Variants in PIK3R6 observed in about 807,000 individuals in gnomAD.
The protein encoded by PIK3R6 is phosphoinositide 3-kinase regulatory subunit 6.
PIK3R6 carries 91 observed loss-of-function variants against 84.9 expected under a neutral mutation model. The observed-to-expected ratio is 1.07, with a 90% CI of 0.90 to 1.28. The LOEUF (loss-of-function observed/expected upper bound fraction) is 1.28, where lower values mean the gene tolerates loss of function less well. Among genes scored for constraint, PIK3R6 ranks in the 50% most tolerant of loss-of-function variants. The probability of loss-of-function intolerance (pLI) is 0.00; values close to 1 mark genes in which losing one functional copy is unlikely to be tolerated. For synonymous variants in PIK3R6, 416 were observed against 411.4 expected, an observed-to-expected ratio of 1.01 and a Z score of -0.13; for missense variants, 996 against 985.1, an observed-to-expected ratio of 1.01 and a Z score of -0.15.
Position 8,838,575 on chromosome 17 carries a change from C to T in PIK3R6, c.178G>A (p.Glu60Lys). ...SPVLVRILLR[E>K]LEKAESQDLR... ...GTCCAGGAACTCACCTTCTCCAGTTCTCTGAGAAGAATGCGGACCAGCACT... is the reference window on the plus strand; with the variant it reads ...GTCCAGGAACTCACCTTCTCCAGTTTTCTGAGAAGAATGCGGACCAGCACT... Residue 60 changes from glutamate to lysine, a missense_variant, in exon 4 of 20, where the codon GAA becomes AAA. Physicochemically the swap from Glu to Lys is moderately conservative, Grantham distance 56. Coordinates refer to ENST00000619866, the MANE Select transcript of PIK3R6 (RefSeq NM_001010855.4). The T allele has an allele frequency of 6.2e-7, 1 of 1,601,098 alleles. No individual in the cohort carries two copies. The highest frequency in any genetic ancestry group is 8.5e-7 in the Non-Finnish European group (1 of 1,173,754).
chr17:8,819,689 T>TATATACACACAC (rs374733654), intron 17 of PIK3R6, among the ~76,000 whole-genome samples: 2 of 135,886 alleles, frequency 1.5e-5, no homozygotes, highest in African/African-American at 2.9e-5. Flanking sequence ...TATATATATA[T>TATATACACACAC]ACACACACAC....
intron 10 of PIK3R6, among the ~76,000 whole-genome samples, chr17:8,829,243 A>C (rs2088085844): frequency 6.9e-6 from 1 of 145,232 alleles, no homozygotes; most frequent in African/African-American, 2.7e-5. Context: ...ACTGAAACAC[A>C]TGCATGCACG....
chr17:8,860,685 T>A (rs1272862576), intron 1 of PIK3R6, among the ~76,000 whole-genome samples: 8 of 152,078 alleles, frequency 5.3e-5, no homozygotes, highest in Non-Finnish European at 1.2e-4. Context: ...TTAAAATAAG[T>A]AACTGGAAGA....
Position 8,835,345 on chromosome 17 carries a change from G to A in PIK3R6, c.573C>T (p.His191=), listed in dbSNP as rs537306503. Residue 191 remains histidine, a synonymous_variant, in exon 8 of 20, where the codon CAC becomes CAT. Coordinates refer to ENST00000619866, the MANE Select transcript of PIK3R6 (RefSeq NM_001010855.4). Reference sequence around the variant, plus strand: ...CCGCCTGCAGGGCGTGGGAGACCACGTGGCGCATGCAGGTCTCTGGTGTCT... The same window carrying A: ...CCGCCTGCAGGGCGTGGGAGACCACATGGCGCATGCAGGTCTCTGGTGTCT... ...AQQTPETCMR[H]VVSHALQAAL... 1.1e-4 allele frequency: 178 copies of A among 1,610,870 alleles called. No homozygotes were observed. Among genetic ancestry groups the A allele is most frequent in the South Asian group, 5.7e-4 (52 of 90,742 alleles).
intron 8 of PIK3R6, among the ~76,000 whole-genome samples, chr17:8,834,414 A>T (rs2088379104): frequency 6.6e-6 from 1 of 152,022 alleles, no homozygotes; most frequent in Non-Finnish European, 1.5e-5. Flanking sequence ...TTATTTTTAG[A>T]GATGGGGTGT....
intron 15 of PIK3R6, 79 bp from the exon 16 acceptor site, chr17:8,822,736 G>C (rs2087782963): frequency 7.1e-7 from 1 of 1,417,642 alleles, no homozygotes; most frequent in East Asian, 2.3e-5. Context: ...CTGAGGGCAG[G>C]AGCTGAGCTG....
At chr17:8,827,797 A>G (rs968066789) in intron 12 of PIK3R6, among the ~76,000 whole-genome samples, 1 of 141,404 alleles carries the variant, frequency 7.1e-6, no homozygotes. Context: ...AGAGAGAGAG[A>G]GAGAGAGAGA....
At chr17:8,805,486 C>A (rs995128263) in intron 18 of PIK3R6, among the ~76,000 whole-genome samples, 40 of 152,168 alleles carry the variant, frequency 2.6e-4, no homozygotes, top group African/African-American at 9.4e-4. Context: ...CCCCGCTATG[C>A]ATAGACTCCT....
chr17:8,813,322 C>T (rs72848124), intron 18 of PIK3R6, among the ~76,000 whole-genome samples: 4,167 of 152,136 alleles, frequency 0.027, 80 homozygotes, highest in Non-Finnish European at 0.043. Flanking sequence ...ACAAGACATA[C>T]AAGGAAGAAC....
chr17:8,859,642 G>A (rs1432716528), intron 1 of PIK3R6, among the ~76,000 whole-genome samples: 2 of 152,220 alleles, frequency 1.3e-5, no homozygotes, highest in East Asian at 3.8e-4. Flanking sequence ...TAGGAGAAGA[G>A]GGAGGAGGAA....
intron 18 of PIK3R6, among the ~76,000 whole-genome samples, chr17:8,817,839 C>T (rs1200599250): frequency 6.6e-6 from 1 of 151,076 alleles, no homozygotes; most frequent in Non-Finnish European, 1.5e-5. Context: ...TTTCAAGGAG[C>T]TTGACTTGAG....
chr17:8,805,785 G>A (rs1295881350), intron 18 of PIK3R6, among the ~76,000 whole-genome samples: 2 of 152,154 alleles, frequency 1.3e-5, no homozygotes, highest in Non-Finnish European at 2.9e-5. Flanking sequence ...AGGCGTAGTG[G>A]CGGGCATCTG....
chr17:8,836,226 G>A (rs1389886016), intron 7 of PIK3R6, among the ~76,000 whole-genome samples: 1 of 152,190 alleles, frequency 6.6e-6, no homozygotes, highest in Non-Finnish European at 1.5e-5. Flanking sequence ...CTGCATTATG[G>A]CCAAGGGCAG....
At chr17:8,814,688 G>A (rs1241713969) in intron 18 of PIK3R6, among the ~76,000 whole-genome samples, 2 of 152,140 alleles carry the variant, frequency 1.3e-5, no homozygotes, top group African/African-American at 2.4e-5. Flanking sequence ...AATTTAGGAG[G>A]TCAAACATCC....
chr17:8,858,513 C>T (rs1188514160), intron 1 of PIK3R6, among the ~76,000 whole-genome samples: 4 of 151,966 alleles, frequency 2.6e-5, no homozygotes, highest in Non-Finnish European at 5.9e-5. Context: ...GACAGGGTTT[C>T]GCCATGTTAG....
intron 1 of PIK3R6, among the ~76,000 whole-genome samples, chr17:8,857,917 A>T (rs866720050): frequency 2.0e-5 from 3 of 151,974 alleles, no homozygotes; most frequent in African/African-American, 7.3e-5. Context: ...AAAAAAAAAA[A>T]AGGGAAAGTA....
At chr17:8,817,072 T>C (rs532783007) in intron 18 of PIK3R6, among the ~76,000 whole-genome samples, 1 of 152,242 alleles carries the variant, frequency 6.6e-6, no homozygotes, top group Admixed American at 6.5e-5. Flanking sequence ...TACTGACATA[T>C]GCTTAATGAC....
chr17:8,827,201 A>G lies in PIK3R6; in HGVS notation c.1486T>C (p.Cys496Arg). 1 of 1,612,096 alleles carries G rather than the reference A, an allele frequency of 6.2e-7. No homozygotes were observed. The change falls in exon 13 of 20, where the codon TGC (cysteine) becomes CGC (arginine). Residue 496 changes from cysteine (C) to arginine (R), a missense_variant. Cys to Arg is a radical substitution (Grantham distance 180). Transcript: ENST00000619866. Reference protein sequence around the residue: ...PWYQSNVNTLCPAIHKLAEMP... With the variant: ...PWYQSNVNTLRPAIHKLAEMP... ...TCAGCCAGCTTGTGGATGGCGGGGC[A>G]CAGCGTGTTGACGTTGCTCTGGTAC...
intron 1 of PIK3R6, among the ~76,000 whole-genome samples, chr17:8,857,900 C>CA (rs531309380): frequency 0.045 from 4,192 of 93,656 alleles, 92 homozygotes; most frequent in African/African-American, 0.094. Context: ...AACTCTGTCT[C>CA]AAAAAAAAAA....
Sources: gnomAD v4.1 joint callset for allele counts (sites outside exome capture counted in the v4.1 genomes callset) on GRCh38, gnomAD v4.1.1 for gene constraint, MANE v1.5 for transcripts, NCBI Gene and HGNC (gene_info 2026-07-23, HGNC 2026-07-21) for gene names.